Variants in ZNF385D observed in about 807,000 individuals in gnomAD.
The protein encoded by ZNF385D is zinc finger protein 659.
A neutral mutation model predicts 35.8 loss-of-function variants in ZNF385D; 15 were observed. The observed-to-expected ratio is 0.42, with a 90% CI of 0.28 to 0.64. The LOEUF (loss-of-function observed/expected upper bound fraction) is 0.64. Ranked by LOEUF, ZNF385D falls within the 30% of genes least tolerant of loss-of-function variation. ZNF385D has a pLI of 0.23. For missense variants in ZNF385D, 474 were observed against 494.6 expected (o/e 0.96, Z 0.39); for synonymous variants, 212 against 186.8 (o/e 1.13, Z -1.10).
At chr3:22,167,994 G>T (rs1706448229) in intron 3 of ZNF385D, among the ~76,000 whole-genome samples, 1 of 152,070 alleles carries the variant, frequency 6.6e-6, no homozygotes, top group Non-Finnish European at 1.5e-5. Context: ...TGGCCACCTT[G>T]AAGCAAACTA....
chr3:22,085,852 C>A (rs1701006820), intron 3 of ZNF385D, among the ~76,000 whole-genome samples: 1 of 152,136 alleles, frequency 6.6e-6, no homozygotes, highest in Non-Finnish European at 1.5e-5. Context: ...AAAGATTATC[C>A]ACCATGATCA....
intron 2 of ZNF385D, among the ~76,000 whole-genome samples, chr3:22,203,626 C>A (rs1002324392): frequency 8.5e-5 from 13 of 152,134 alleles, no homozygotes; most frequent in African/African-American, 2.7e-4. Flanking sequence ...AAGCCCACTG[C>A]TTCCCACAGT....
intron 4 of ZNF385D, among the ~76,000 whole-genome samples, chr3:21,493,348 T>G (rs1705576326): frequency 2.0e-5 from 3 of 152,298 alleles, no homozygotes; most frequent in South Asian, 4.1e-4. Context: ...GAAATGTTGA[T>G]AACTTAGAAA....
chr3:21,479,331 G>A (rs754619762), intron 4 of ZNF385D, among the ~76,000 whole-genome samples: 5 of 151,816 alleles, frequency 3.3e-5, no homozygotes, highest in Non-Finnish European at 5.9e-5. Flanking sequence ...CCATAATTTA[G>A]CATGTGTAAT....
chr3:21,939,495 C>T (rs1399797669), intron 3 of ZNF385D, among the ~76,000 whole-genome samples: 1 of 151,972 alleles, frequency 6.6e-6, no homozygotes, highest in East Asian at 1.9e-4. Context: ...AACCATCCAC[C>T]AATTATATAT....
chr3:21,443,311 G>A, intron 4 of ZNF385D: 1 of 985,290 alleles, frequency 1.0e-6, no homozygotes, highest in Non-Finnish European at 1.2e-6. Flanking sequence ...AGGTCCCAAG[G>A]ACAATTCCTG....
intron 2 of ZNF385D, among the ~76,000 whole-genome samples, chr3:21,631,878 C>T (rs571774500): frequency 6.6e-6 from 1 of 152,224 alleles, no homozygotes; most frequent in South Asian, 2.1e-4. Flanking sequence ...GCAATCTCAT[C>T]ATGTTCCTGG....
chr3:21,802,587 T>C (rs2072455378), intron 3 of ZNF385D, among the ~76,000 whole-genome samples: 1 of 152,148 alleles, frequency 6.6e-6, no homozygotes, highest in African/African-American at 2.4e-5. Context: ...GTAAACTATA[T>C]GTGCATATGT....
chr3:21,830,968 T>G (rs561637625), intron 3 of ZNF385D, among the ~76,000 whole-genome samples: 3 of 152,148 alleles, frequency 2.0e-5, no homozygotes, highest in Non-Finnish European at 2.9e-5. Context: ...TGTTAAAAAC[T>G]AGTATTTGGG....
intron 3 of ZNF385D, among the ~76,000 whole-genome samples, chr3:21,818,617 G>A (rs79529647): frequency 3.3e-5 from 5 of 152,082 alleles, no homozygotes; most frequent in East Asian, 3.9e-4. Flanking sequence ...GAGCATGGGC[G>A]TATGGAGGAA....
intron 3 of ZNF385D, among the ~76,000 whole-genome samples, chr3:22,095,589 A>C (rs889256007): frequency 8.5e-5 from 13 of 152,194 alleles, no homozygotes; most frequent in African/African-American, 2.9e-4. Flanking sequence ...CATGGATACA[A>C]TCTCCTACTG....
chr3:22,357,429 G>C (rs751826624), intron 2 of ZNF385D, among the ~76,000 whole-genome samples: 11 of 151,768 alleles, frequency 7.2e-5, no homozygotes, highest in Non-Finnish European at 1.2e-4. Flanking sequence ...TTTTAATGTG[G>C]TGATTTTAAG....
intron 1 of ZNF385D, among the ~76,000 whole-genome samples, chr3:21,734,066 C>G (rs2069134017): frequency 6.6e-6 from 1 of 152,062 alleles, no homozygotes; most frequent in Non-Finnish European, 1.5e-5. Flanking sequence ...TATGTTTCTT[C>G]TTTCAGATAA....
chr3:22,073,906 G>T (rs543784723), intron 3 of ZNF385D, among the ~76,000 whole-genome samples: 6 of 151,742 alleles, frequency 4.0e-5, no homozygotes, highest in Admixed American at 1.3e-4. Context: ...GAATAGTTTC[G>T]CATCCTTTAA....
rs184732301 is a variant in ZNF385D, at chr3:21,732,900, T to G, written c.22+17995A>C. ...CAGAATGTTTAAAATTTTGATGAAG[T>G]CCCGCTTATCAATTCCGTCTTTCGT... On this transcript the variant is annotated intron_variant, in intron 1 of 7. Transcript: ENST00000281523. Among the ~76,000 whole-genome samples, 549 of 152,324 alleles carry G rather than the reference T, an allele frequency of 3.6e-3. 2 individuals are homozygous for G. The highest frequency in any genetic ancestry group is 5.3e-3 in the Non-Finnish European group (358 of 68,014).
At chr3:22,091,644 C>A (rs1202185200) in intron 3 of ZNF385D, among the ~76,000 whole-genome samples, 1 of 152,060 alleles carries the variant, frequency 6.6e-6, no homozygotes, top group Non-Finnish European at 1.5e-5. Context: ...ATGGAAACAG[C>A]TTCTCACCTA....
chr3:21,821,869 G>A (rs1694254711), intron 3 of ZNF385D, among the ~76,000 whole-genome samples: 1 of 149,926 alleles, frequency 6.7e-6, no homozygotes, highest in South Asian at 2.1e-4. Flanking sequence ...GGGAGGCTGA[G>A]ACAGGAGGAT....
At chr3:21,870,901 C>G (rs535619464) in intron 3 of ZNF385D, among the ~76,000 whole-genome samples, 64 of 152,248 alleles carry the variant, frequency 4.2e-4, no homozygotes, top group African/African-American at 1.3e-3. Context: ...CCACAGCTCT[C>G]AACTCCAGAC....
At chr3:21,597,071 C>G (rs189361848) in intron 2 of ZNF385D, among the ~76,000 whole-genome samples, 1 of 151,678 alleles carries the variant, frequency 6.6e-6, no homozygotes, top group Non-Finnish European at 1.5e-5. Context: ...TTTTTAGATT[C>G]GAAAAAAATA....
Sources: allele counts gnomAD v4.1 joint callset (sites outside exome capture counted in the v4.1 genomes callset), GRCh38; gene constraint gnomAD v4.1.1; transcripts MANE v1.5; gene names NCBI Gene and HGNC (gene_info 2026-07-23, HGNC 2026-07-21).